CHRNA7: variants seen among roughly 807,000 people sequenced by gnomAD.
CHRNA7 encodes neuronal acetylcholine receptor subunit alpha-7.
A neutral mutation model predicts 48.0 loss-of-function variants in CHRNA7; 17 were observed. That is an observed-to-expected ratio of 0.35 (90% CI 0.24 to 0.53). The LOEUF is 0.53. Ranked by LOEUF, CHRNA7 falls within the 20% of genes least tolerant of loss-of-function variation. The pLI is 0.92. For missense variants in CHRNA7, 155 were observed against 577.7 expected (o/e 0.27, Z 7.50); for synonymous variants, 75 against 242.3 (o/e 0.31, Z 6.41).
At chr15:32,139,143 A>C (rs751769685) in intron 4 of CHRNA7, among the ~76,000 whole-genome samples, 10 of 152,080 alleles carry the variant, frequency 6.6e-5, no homozygotes, top group Non-Finnish European at 1.2e-4. Flanking sequence ...AGATTGACTT[A>C]TTTCATTTGG....
intron 4 of CHRNA7, among the ~76,000 whole-genome samples, chr15:32,148,263 C>T (rs560403794): frequency 3.1e-4 from 47 of 152,136 alleles, no homozygotes; most frequent in Non-Finnish European, 4.9e-4. Flanking sequence ...CTGGTGAACA[C>T]GTGCCCTATT....
chr15:32,042,434 C>T (rs563358694), intron 2 of CHRNA7, among the ~76,000 whole-genome samples: 7 of 152,318 alleles, frequency 4.6e-5, no homozygotes, highest in African/African-American at 1.7e-4. Flanking sequence ...GTTTCTTTCA[C>T]TTCCCTCTGG....
rs528717135 is a variant in CHRNA7 at position 32,055,205 on chromosome 15, G to A, written c.195+24168G>A. Among the ~76,000 whole-genome samples, 74 of 151,422 alleles carry A rather than the reference G, an allele frequency of 4.9e-4. 1 individual carries two copies. Among genetic ancestry groups the A allele is most frequent in the African/African-American group, 1.7e-3 (69 of 41,266 alleles). ...ATATTATTTTGAGAAGTGTCTAATC[G>A]TGTCTCTTTACTATTTCTCTCTCTC... On this transcript the variant is annotated intron_variant, in intron 2 of 9. Transcript: ENST00000306901.
intron 4 of CHRNA7, among the ~76,000 whole-genome samples, chr15:32,120,344 T>G (rs2050946919): frequency 1.3e-5 from 2 of 152,200 alleles, no homozygotes; most frequent in African/African-American, 4.8e-5. Flanking sequence ...GCACCTGCTC[T>G]GGGCTGCTCT....
chr15:32,122,887 C>CAAAAAAAAA (rs61151556), intron 4 of CHRNA7, among the ~76,000 whole-genome samples: 1 of 107,916 alleles, frequency 9.3e-6, no homozygotes. Context: ...GCTCTCAAAG[C>CAAAAAAAAA]AAAAAAAAAA....
intron 2 of CHRNA7, among the ~76,000 whole-genome samples, chr15:32,050,920 C>T (rs1362554485): frequency 6.6e-6 from 1 of 152,192 alleles, no homozygotes; most frequent in African/African-American, 2.4e-5. Context: ...ACTCCAGACC[C>T]TGTTTGCCTG....
chr15:32,081,480 A>G (rs1405825603), intron 2 of CHRNA7, among the ~76,000 whole-genome samples: 1 of 152,048 alleles, frequency 6.6e-6, no homozygotes. Flanking sequence ...TGATTTATTC[A>G]TAGTGTGTCC....
chr15:32,151,040 C>G (rs1011490067), intron 4 of CHRNA7, among the ~76,000 whole-genome samples: 1 of 151,994 alleles, frequency 6.6e-6, no homozygotes, highest in Admixed American at 6.6e-5. Context: ...CCTTATCCCC[C>G]TTTCTTCCTT....
intron 4 of CHRNA7, among the ~76,000 whole-genome samples, chr15:32,141,164 T>C (rs909005654): frequency 5.9e-5 from 9 of 152,236 alleles, no homozygotes; most frequent in African/African-American, 1.4e-4. Context: ...CCCAGTACTA[T>C]TTATTAAACA....
At position 32,105,446 on chromosome 15, in the gene CHRNA7, AAGGAGGAAGAGG is replaced by A. The variant is rs372513355; in HGVS notation, c.240+4117_240+4128del. On this transcript the variant is annotated intron_variant, in intron 3 of 9. Transcript: ENST00000306901. ...AGGAGAAGGAAAAGAGGCGGAGGAG[AAGGAGGAAGAGG>A]AGGAGGAAGAGGAGGAGAGGAGGAA... 2.6e-3 allele frequency among the ~76,000 whole-genome samples: 395 copies of A among 149,620 alleles called. 3 individuals are homozygous for A. The highest frequency in any genetic ancestry group is 7.5e-3 in the African/African-American group (305 of 40,658).
chr15:32,074,579 G>A (rs964113612), intron 2 of CHRNA7, among the ~76,000 whole-genome samples: 6 of 150,696 alleles, frequency 4.0e-5, no homozygotes, highest in African/African-American at 7.3e-5. Context: ...ATAATGAATA[G>A]GTCTTGAATT....
At chr15:32,127,466 T>C (rs999133986) in intron 4 of CHRNA7, among the ~76,000 whole-genome samples, 6 of 152,176 alleles carry the variant, frequency 3.9e-5, no homozygotes, top group South Asian at 2.1e-4. Flanking sequence ...TTTGGTGTTA[T>C]CACTATTTTT....
At position 32,030,558 on chromosome 15, in the gene CHRNA7, T is replaced by G. The variant is rs1255413148; in HGVS notation, c.-37T>G. On this transcript the variant is annotated 5_prime_UTR_variant, in exon 1 of 10. Transcript: ENST00000306901. ...GCAGGCCCGGGCGACAGCCGAGACG[T>G]GGAGCGCGCCGGCTCGCTGCAGCTC... 5.5e-6 allele frequency: 8 copies of G among 1,456,844 alleles called. No individual in the cohort carries two copies. The highest frequency in any genetic ancestry group is 7.2e-6 in the Non-Finnish European group (8 of 1,110,428). 90.2% of individuals were successfully genotyped at this position (1,456,844 alleles called of 1,614,324 possible).
intron 2 of CHRNA7, among the ~76,000 whole-genome samples, chr15:32,072,227 G>A (rs1469949627): frequency 6.6e-6 from 1 of 152,226 alleles, no homozygotes; most frequent in East Asian, 1.9e-4. Context: ...GAACTTAAGA[G>A]TGATAACCTA....
At chr15:32,050,833 G>A (rs1022835126) in intron 2 of CHRNA7, among the ~76,000 whole-genome samples, 2 of 152,044 alleles carry the variant, frequency 1.3e-5, no homozygotes, top group African/African-American at 2.4e-5. Flanking sequence ...TGGTGTGGAT[G>A]TCCTGTCTGT....
At chr15:32,109,205 C>T (rs10438340) in intron 3 of CHRNA7, among the ~76,000 whole-genome samples, 25,221 of 152,198 alleles carry the variant, frequency 0.17, 2,427 homozygotes, top group Middle Eastern at 0.24. Context: ...ATTATTCATG[C>T]CTCTCTTTTT....
At chr15:32,074,676 C>T (rs1262818071) in intron 2 of CHRNA7, among the ~76,000 whole-genome samples, 5 of 138,986 alleles carry the variant, frequency 3.6e-5, no homozygotes, top group African/African-American at 1.5e-4. Context: ...ATTTTTGAGA[C>T]AGAGTCTCCC....
chr15:32,108,320 AGGAG>A (rs1324352651), intron 3 of CHRNA7, among the ~76,000 whole-genome samples: 2 of 152,186 alleles, frequency 1.3e-5, no homozygotes, highest in Admixed American at 1.3e-4. Flanking sequence ...ATCTCACAAA[AGGAG>A]GGAGAGAAGG....
intron 2 of CHRNA7, among the ~76,000 whole-genome samples, chr15:32,048,140 G>T (rs951685908): frequency 1.3e-5 from 2 of 152,088 alleles, no homozygotes; most frequent in Admixed American, 1.3e-4. Flanking sequence ...CTCTTTTTTG[G>T]TTGTGTCTCT....
Sources: allele counts gnomAD v4.1 joint callset (sites outside exome capture counted in the v4.1 genomes callset), GRCh38; gene constraint gnomAD v4.1.1; transcripts MANE v1.5; gene names NCBI Gene and HGNC (gene_info 2026-07-23, HGNC 2026-07-21).